The following PTPRD variants were observed in gnomAD, a reference collection of about 807,000 sequenced individuals.
PTPRD encodes the protein protein tyrosine phosphatase receptor type D.
A neutral mutation model predicts 214.5 loss-of-function variants in PTPRD; 34 were observed. That is an observed-to-expected ratio of 0.16 (90% CI 0.12 to 0.21). PTPRD has a LOEUF of 0.21. Among genes scored for constraint, PTPRD ranks in the 10% least tolerant of loss-of-function variants. The pLI is 1.00. For synonymous variants in PTPRD, 1,128 were observed against 845.7 expected, an observed-to-expected ratio of 1.33 and a Z score of -5.79; for missense variants, 2,545 against 2,398.7, an observed-to-expected ratio of 1.06 and a Z score of -1.27.
chr9:8,657,702 C>T (rs753903148), intron 12 of PTPRD, among the ~76,000 whole-genome samples: 2 of 152,122 alleles, frequency 1.3e-5, no homozygotes, highest in Non-Finnish European at 2.9e-5. Flanking sequence ...ATCATGAAAT[C>T]TTTGCCCGTG....
intron 10 of PTPRD, among the ~76,000 whole-genome samples, chr9:9,132,848 A>G (rs1184201948): frequency 6.6e-6 from 1 of 152,232 alleles, no homozygotes; most frequent in African/African-American, 2.4e-5. Flanking sequence ...TTTAAAATCA[A>G]AGAGTAATAT....
At chr9:10,395,890 C>A (rs964883151) in intron 2 of PTPRD, among the ~76,000 whole-genome samples, 1 of 151,428 alleles carries the variant, frequency 6.6e-6, no homozygotes, top group Admixed American at 6.6e-5. Flanking sequence ...TCTGGAAACA[C>A]TGTGGTCCTG....
At chr9:8,369,347 G>A (rs1000307772) in intron 39 of PTPRD, among the ~76,000 whole-genome samples, 2 of 151,988 alleles carry the variant, frequency 1.3e-5, no homozygotes, top group South Asian at 2.1e-4. Context: ...GGGGTACATG[G>A]TTATGCTATG....
intron 2 of PTPRD, among the ~76,000 whole-genome samples, chr9:10,362,336 ATT>A (rs34104705): frequency 0.48 from 67,766 of 142,020 alleles, 17,791 homozygotes; most frequent in Non-Finnish European, 0.62. Context: ...TGACAGAGAA[ATT>A]TTTTTTTTTT....
At chr9:9,708,267 T>C (rs2097663197) in intron 7 of PTPRD, among the ~76,000 whole-genome samples, 2 of 152,114 alleles carry the variant, frequency 1.3e-5, no homozygotes, top group South Asian at 2.1e-4. Context: ...GCTATGTGTT[T>C]ACTCTTTCTC....
intron 3 of PTPRD, among the ~76,000 whole-genome samples, chr9:10,060,791 TCTTTCTTTCTTC>T (rs1261625517): frequency 3.9e-5 from 5 of 127,148 alleles, no homozygotes; most frequent in Non-Finnish European, 7.5e-5. Context: ...TTTCTTTCTT[TCTTTCTTTCTTC>T]CTTTCTTTCT....
chr9:10,499,374 G>A (rs188663480), intron 2 of PTPRD, among the ~76,000 whole-genome samples: 1 of 151,854 alleles, frequency 6.6e-6, no homozygotes, highest in Admixed American at 6.6e-5. Context: ...TTATTACTAG[G>A]GATAAACAAA....
chr9:10,090,939 C>T (rs1272252422), intron 3 of PTPRD, among the ~76,000 whole-genome samples: 1 of 148,080 alleles, frequency 6.8e-6, no homozygotes, highest in Non-Finnish European at 1.5e-5. Context: ...CACACACACA[C>T]ACACACACAC....
chr9:9,350,491 G>T (rs1242203946), intron 9 of PTPRD, among the ~76,000 whole-genome samples: 1 of 152,036 alleles, frequency 6.6e-6, no homozygotes, highest in African/African-American at 2.4e-5. Context: ...GCAAAGGGAA[G>T]AATTTTAAAT....
intron 10 of PTPRD, among the ~76,000 whole-genome samples, chr9:9,167,779 A>G (rs2130826295): frequency 6.6e-6 from 1 of 152,236 alleles, no homozygotes; most frequent in East Asian, 1.9e-4. Flanking sequence ...AATAAGGAGA[A>G]AAGTTCATTG....
chr9:8,948,441 A>ATATTTATATATATATTTATATATT (rs1491366287), intron 11 of PTPRD, among the ~76,000 whole-genome samples: 1 of 4,252 alleles, frequency 2.4e-4, no homozygotes, highest in African/African-American at 4.8e-4. Flanking sequence ...ATATATTTAC[A>ATATTTATATATATATTTATATATT]TATATATATA....
chr9:8,468,813 A>AC (rs1005778868), intron 31 of PTPRD, among the ~76,000 whole-genome samples: 2 of 151,528 alleles, frequency 1.3e-5, no homozygotes, highest in East Asian at 1.9e-4. Flanking sequence ...AAAAAAAAAA[A>AC]AAAACTCTCT....
At chr9:9,898,509 A>G (rs1195194714) in intron 5 of PTPRD, among the ~76,000 whole-genome samples, 2 of 152,096 alleles carry the variant, frequency 1.3e-5, no homozygotes, top group African/African-American at 4.8e-5. Context: ...GGATTACTTC[A>G]TGTGATTTCA....
intron 8 of PTPRD, among the ~76,000 whole-genome samples, chr9:9,498,084 C>T (rs1342862166): frequency 2.0e-5 from 3 of 152,228 alleles, no homozygotes; most frequent in East Asian, 1.9e-4. Flanking sequence ...CATGAAGGAG[C>T]CAGGAAGCAG....
intron 11 of PTPRD, among the ~76,000 whole-genome samples, chr9:8,980,218 T>C (rs917732699): frequency 6.6e-6 from 1 of 151,946 alleles, no homozygotes; most frequent in Non-Finnish European, 1.5e-5. Flanking sequence ...AAACCATGTT[T>C]ATCATCAGTG....
At chr9:9,312,581 T>C (rs896253309) in intron 9 of PTPRD, among the ~76,000 whole-genome samples, 1 of 152,130 alleles carries the variant, frequency 6.6e-6, no homozygotes, top group Non-Finnish European at 1.5e-5. Context: ...GTTAGGTGAA[T>C]TGGTGTGTCT....
At chr9:9,227,973 T>C (rs866355623) in intron 9 of PTPRD, among the ~76,000 whole-genome samples, 8 of 152,134 alleles carry the variant, frequency 5.3e-5, no homozygotes, top group Admixed American at 5.2e-4. Context: ...CAGTGATAGA[T>C]AGATAAGTAA....
chr9:9,286,089 C>T (rs1363223299), intron 9 of PTPRD, among the ~76,000 whole-genome samples: 1 of 151,780 alleles, frequency 6.6e-6, no homozygotes, highest in African/African-American at 2.4e-5. Flanking sequence ...CATAAATTTT[C>T]TGTGGTAAAT....
At chr9:9,954,799 TATATATACAATATAAGTAGA>T (rs2093770054) in intron 4 of PTPRD, among the ~76,000 whole-genome samples, 1 of 152,170 alleles carries the variant, frequency 6.6e-6, no homozygotes, top group Non-Finnish European at 1.5e-5. Context: ...TACAAGTAAC[TATATATACAATATAAGTAGA>T]ATTTTCCTTC....
Sources: gnomAD v4.1 joint callset for allele counts (sites outside exome capture counted in the v4.1 genomes callset) on GRCh38, gnomAD v4.1.1 for gene constraint, MANE v1.5 for transcripts, NCBI Gene and HGNC (gene_info 2026-07-23, HGNC 2026-07-21) for gene names.